CCNY: variants seen among roughly 807,000 people sequenced by gnomAD.
CCNY encodes cyclin Y.
Under a neutral mutation model 42.8 loss-of-function variants are expected in CCNY, and 19 were observed. The ratio of observed to expected loss-of-function variants is 0.44; its 90% CI spans 0.31 to 0.65. The LOEUF is 0.65. CCNY is among the 30% of genes least tolerant of loss of function. CCNY has a pLI of 0.07. For missense variants in CCNY, 370 were observed against 437.3 expected (o/e 0.85, Z 1.37); for synonymous variants, 165 against 162.7 (o/e 1.01, Z -0.11).
chr10:35,480,572 G>A (rs1443435934), intron 1 of CCNY, among the ~76,000 whole-genome samples: 1 of 152,180 alleles, frequency 6.6e-6, no homozygotes, highest in Non-Finnish European at 1.5e-5. Flanking sequence ...GAGCTTCAGG[G>A]CATCTTCTGG....
chr10:35,316,390 A>G (rs1589032702), intron 3 of CCNY: 1 of 152,314 alleles, frequency 6.6e-6, no homozygotes, highest in East Asian at 1.9e-4. Context: ...CTCTGTCTCT[A>G]CCCATATCCA....
At chr10:35,404,059 AAG>A (rs1837703960) in intron 1 of CCNY, among the ~76,000 whole-genome samples, 4 of 152,266 alleles carry the variant, frequency 2.6e-5, no homozygotes, top group Admixed American at 6.5e-5. Flanking sequence ...AGACTCAACA[AAG>A]AGTGAGTACA....
chr10:35,308,231 C>T (rs1411293034), intron 3 of CCNY, among the ~76,000 whole-genome samples: 1 of 151,956 alleles, frequency 6.6e-6, no homozygotes, highest in Non-Finnish European at 1.5e-5. Context: ...CACAGATTGC[C>T]TGATGGCAGA....
intron 1 of CCNY, among the ~76,000 whole-genome samples, chr10:35,462,552 G>A (rs1401439561): frequency 6.6e-6 from 1 of 152,244 alleles, no homozygotes; most frequent in Non-Finnish European, 1.5e-5. Context: ...CTAACAGGAA[G>A]CGATTGAACT....
chr10:35,385,116 A>G (rs967329772), intron 1 of CCNY, among the ~76,000 whole-genome samples: 1 of 152,238 alleles, frequency 6.6e-6, no homozygotes, highest in African/African-American at 2.4e-5. Flanking sequence ...AGATCCAGGT[A>G]CATAACAGCT....
chr10:35,490,813 C>T (rs1839880085), intron 2 of CCNY, among the ~76,000 whole-genome samples: 1 of 152,156 alleles, frequency 6.6e-6, no homozygotes, highest in South Asian at 2.1e-4. Context: ...GAGGTTTTCA[C>T]ACCAGGTCAG....
In CCNY at chr10:35,560,152, T is replaced by G. The variant is rs576049078; in HGVS notation, c.747-5871T>G. Among the ~76,000 whole-genome samples, 5 of 152,194 alleles carry G rather than the reference T, an allele frequency of 3.3e-5. No homozygotes were observed. In the South Asian group the frequency reaches 1.0e-3, roughly 32 times the overall value. The stretch of plus-strand genomic sequence containing the variant: ...CACCCATACCTGATTCAGATGAGAT[T>G]TAGATAGGATTTGGGACTTAGAGAT... On this transcript the variant is annotated intron_variant, in intron 8 of 9. Transcript: ENST00000374704.
At chr10:35,539,791 A>C (rs924178479) in intron 7 of CCNY, among the ~76,000 whole-genome samples, 2 of 152,220 alleles carry the variant, frequency 1.3e-5, no homozygotes, top group Non-Finnish European at 2.9e-5. Flanking sequence ...GTCTCAAATA[A>C]AAAAGAAAAG....
intron 3 of CCNY, among the ~76,000 whole-genome samples, chr10:35,265,062 CTCT>C (rs1026658377): frequency 1.8e-4 from 28 of 152,144 alleles, no homozygotes; most frequent in African/African-American, 6.5e-4. Context: ...TGTAGGTTAT[CTCT>C]TCACTCTGAT....
intron 1 of CCNY, among the ~76,000 whole-genome samples, chr10:35,418,273 C>CTG (rs1838070166): frequency 6.6e-6 from 1 of 152,126 alleles, no homozygotes; most frequent in South Asian, 2.1e-4. Flanking sequence ...AAATGTGTAG[C>CTG]TGTGTCTGCC....
intron 1 of CCNY, among the ~76,000 whole-genome samples, chr10:35,443,212 G>A (rs930992433): frequency 6.6e-6 from 1 of 152,178 alleles, no homozygotes; most frequent in Non-Finnish European, 1.5e-5. Flanking sequence ...TTTGCAAACA[G>A]TGTACACCTA....
chr10:35,259,717 G>A (rs1285419893), intron 3 of CCNY, among the ~76,000 whole-genome samples: 5 of 133,392 alleles, frequency 3.7e-5, no homozygotes, highest in African/African-American at 1.1e-4. Context: ...TGGCCATGTT[G>A]GCCAGGCTGT....
intron 3 of CCNY, among the ~76,000 whole-genome samples, chr10:35,514,786 A>G (rs941949009): frequency 3.9e-5 from 6 of 152,210 alleles, no homozygotes; most frequent in Non-Finnish European, 8.8e-5. Flanking sequence ...CCATATCTCT[A>G]AAAGTTTATT....
intron 2 of CCNY, among the ~76,000 whole-genome samples, chr10:35,249,157 G>A (rs190098855): frequency 3.9e-5 from 6 of 152,120 alleles, no homozygotes; most frequent in Non-Finnish European, 1.5e-5. Flanking sequence ...GCCCAGGCTG[G>A]TCTCGAACTC....
rs1191584304 is a variant in CCNY at position 35,336,968 on chromosome 10, C to T, written c.-86C>T. 1.9e-5 allele frequency: 22 copies of T among 1,135,854 alleles called. No individual in the cohort carries two copies. The highest frequency in any genetic ancestry group is 2.3e-5 in the Non-Finnish European group (21 of 895,158). The allele number at this position is 1,135,854 out of a possible 1,614,324, so 70.4% of individuals were successfully genotyped here. ...GCGGGCGGGCCTCCCCACACGCCCCCGCCGCCCGCGCCCCGCGTCCACCCG... is the reference window on the plus strand; with the variant it reads ...GCGGGCGGGCCTCCCCACACGCCCCTGCCGCCCGCGCCCCGCGTCCACCCG... On this transcript the variant is annotated 5_prime_UTR_variant, in exon 1 of 10. Transcript: ENST00000374704.
chr10:35,312,514 A>G (rs1006531704), intron 3 of CCNY, among the ~76,000 whole-genome samples: 1 of 151,776 alleles, frequency 6.6e-6, no homozygotes, highest in Admixed American at 6.6e-5. Flanking sequence ...CACCACATGG[A>G]TCATTCCTGA....
intron 4 of CCNY, among the ~76,000 whole-genome samples, chr10:35,517,216 A>AG (rs1428175749): frequency 6.6e-6 from 1 of 152,104 alleles, no homozygotes; most frequent in Non-Finnish European, 1.5e-5. Flanking sequence ...GGAGGAAGGA[A>AG]GGGGGAGTCT....
intron 3 of CCNY, among the ~76,000 whole-genome samples, chr10:35,274,854 A>G (rs1011060534): frequency 1.8e-4 from 27 of 152,008 alleles, no homozygotes; most frequent in African/African-American, 6.0e-4. Context: ...AAGCTGCCAC[A>G]CGGGCACAGC....
At chr10:35,529,417 AAAAATT>A (rs1443359896) in intron 5 of CCNY, among the ~76,000 whole-genome samples, 1 of 152,234 alleles carries the variant, frequency 6.6e-6, no homozygotes, top group African/African-American at 2.4e-5. Context: ...TGAAAACTCA[AAAAATT>A]AAAATTAAAT....
Sources: allele counts gnomAD v4.1 joint callset (sites outside exome capture counted in the v4.1 genomes callset), GRCh38; gene constraint gnomAD v4.1.1; transcripts MANE v1.5; gene names NCBI Gene and HGNC (gene_info 2026-07-23, HGNC 2026-07-21).